The following KIDINS220 variants were observed in gnomAD, a reference collection of about 807,000 sequenced individuals.
The protein encoded by KIDINS220 is kinase D-interacting substrate of 220 kDa.
KIDINS220 carries 63 observed loss-of-function variants against 157.6 expected under a neutral mutation model. That is an observed-to-expected ratio of 0.40 (90% CI 0.33 to 0.49). The LOEUF (loss-of-function observed/expected upper bound fraction) is 0.49, where lower values mean the gene tolerates loss of function less well. Ranked by LOEUF, KIDINS220 falls within the 20% of genes least tolerant of loss-of-function variation. KIDINS220 has a pLI of 0.66. For synonymous variants in KIDINS220, 732 were observed against 783.6 expected, an observed-to-expected ratio of 0.93 and a Z score of 1.10; for missense variants, 1,772 against 2,171.2, an observed-to-expected ratio of 0.82 and a Z score of 3.65.
intron 26 of KIDINS220, 62 bp from the exon 27 acceptor site, chr2:8,737,061 C>A: frequency 1.3e-6 from 2 of 1,509,608 alleles, no homozygotes; most frequent in South Asian, 1.2e-5. Context: ...ATAATGAGGT[C>A]ATGTGACAGA....
rs1162274481 is a variant in KIDINS220 at position 8,798,305 on chromosome 2, A to T, written c.901-5T>A. 7 of 1,517,554 alleles carry T rather than the reference A, an allele frequency of 4.6e-6. No individual in the cohort carries two copies. Among genetic ancestry groups the T allele is most frequent in the Non-Finnish European group, 6.4e-6 (7 of 1,094,090 alleles). The allele number at this position is 1,517,554 out of a possible 1,614,324, so 94.0% of individuals were successfully genotyped here. ...ATACAAAGCAGTTTTATTATCCTAG[A>T]TAATTAAAAAAAACACAATCACTTC... On this transcript the variant is annotated splice_region_variant and splice_polypyrimidine_tract_variant and intron_variant, in intron 9 of 29. Coordinates refer to ENST00000256707, the MANE Select transcript of KIDINS220 (RefSeq NM_020738.4).
At chr2:8,758,756 C>T (rs938457739) in intron 22 of KIDINS220, among the ~76,000 whole-genome samples, 1 of 152,098 alleles carries the variant, frequency 6.6e-6, no homozygotes, top group African/African-American at 2.4e-5. Flanking sequence ...TTAATCATTC[C>T]TAATATTCTT....
chr2:8,834,907 T>C (rs1005242349), intron 1 of KIDINS220, among the ~76,000 whole-genome samples: 1 of 152,204 alleles, frequency 6.6e-6, no homozygotes, highest in Non-Finnish European at 1.5e-5. Flanking sequence ...AGTGGCACAT[T>C]CATAGCTCAC....
Position 8,733,597 on chromosome 2 carries a change from C to G in KIDINS220, c.3900G>C (p.Pro1300=). The change falls in exon 29 of 30, where the codon CCG becomes CCC. Residue 1300 remains proline (P), a synonymous_variant. Coordinates refer to ENST00000256707, the MANE Select transcript of KIDINS220 (RefSeq NM_020738.4). ...FLSESSSGPA[P]HGEPARRASH... ...AAGCGCGGCGAGCAGGCTCACCGTG[C>G]GGGGCTGGGCCACTGCTGCTCTCAC... 1 of 1,613,938 alleles carries G rather than the reference C, an allele frequency of 6.2e-7. No homozygotes were observed. The highest frequency in any genetic ancestry group is 8.5e-7 in the Non-Finnish European group (1 of 1,179,946).
At chr2:8,742,163 C>T (rs1010914588) in intron 26 of KIDINS220, among the ~76,000 whole-genome samples, 20 of 152,126 alleles carry the variant, frequency 1.3e-4, no homozygotes, top group African/African-American at 4.3e-4. Context: ...TCTGTCACCA[C>T]GCTGGGGTGC....
chr2:8,754,971 A>G (rs1213526227), intron 22 of KIDINS220, among the ~76,000 whole-genome samples: 2 of 152,254 alleles, frequency 1.3e-5, no homozygotes, highest in Non-Finnish European at 2.9e-5. Context: ...TTTAACTTCT[A>G]ATAGACTCTC....
intron 20 of KIDINS220, among the ~76,000 whole-genome samples, chr2:8,777,410 CA>C (rs1671111220): frequency 6.6e-6 from 1 of 152,104 alleles, no homozygotes; most frequent in South Asian, 2.1e-4. Context: ...GCAATCCTCC[CA>C]CCTCAGCCTT....
In KIDINS220 at chr2:8,733,716, A is replaced by G. The variant is rs766531041; in HGVS notation, c.3817-36T>C. The G allele has an allele frequency of 5.4e-6, 7 of 1,286,588 alleles. No individual in the cohort carries two copies. The Admixed American group carries it at 1.7e-4, about 31-fold the overall frequency. The allele number at this position is 1,286,588 out of a possible 1,614,324, so 79.7% of individuals were successfully genotyped here. ...GAAAAACATAAATATTTACACTAAC[A>G]AATCATATTTTAGAAGCTTTAGAAA... On this transcript the variant is annotated intron_variant, in intron 28 of 29. Transcript: ENST00000256707.
chr2:8,824,672 C>T (rs1173868603), intron 2 of KIDINS220, among the ~76,000 whole-genome samples: 1 of 152,198 alleles, frequency 6.6e-6, no homozygotes. Context: ...GGAGTGAGAA[C>T]CTGTCTAAAA....
intron 17 of KIDINS220, among the ~76,000 whole-genome samples, chr2:8,781,809 G>A (rs1368670500): frequency 1.3e-5 from 2 of 152,206 alleles, no homozygotes; most frequent in African/African-American, 2.4e-5. Context: ...GCATATATTC[G>A]TAAAGAAGAA....
chr2:8,751,973 G>A (rs1477888121), intron 22 of KIDINS220, among the ~76,000 whole-genome samples: 1 of 152,028 alleles, frequency 6.6e-6, no homozygotes, highest in Non-Finnish European at 1.5e-5. Flanking sequence ...CCAAAGTGCT[G>A]GGATTACAGG....
intron 22 of KIDINS220, among the ~76,000 whole-genome samples, chr2:8,758,665 A>G (rs1201824815): frequency 2.6e-5 from 4 of 151,310 alleles, no homozygotes; most frequent in Admixed American, 2.0e-4. Flanking sequence ...TGTTAATTTA[A>G]TATCTTTCTC....
In KIDINS220 at chr2:8,751,481, G is replaced by A. The variant is rs184866499; in HGVS notation, c.3175C>T (p.Arg1059Trp). The A allele has an allele frequency of 2.8e-4, 450 of 1,605,232 alleles. 1 individual carries two copies. The East Asian group carries it at 8.0e-3, about 28-fold the overall frequency. The change falls in exon 23 of 30, where the codon CGG becomes TGG. Residue 1059 changes from arginine (R) to tryptophan (W), a missense_variant. Around this residue, in one of 3 missense-constraint regions of KIDINS220, gnomAD observed 725 missense variants for 1,017.1 expected, o/e 0.71. Transcript: ENST00000256707. The stretch of plus-strand genomic sequence containing the variant: ...TAATACCCACCTGCAATAATTTCCC[G>A]TAGTTTGGGATCTAGGTTTACAGTG... ...PCTVNLDPKLREIIADVRAAR... is the reference protein window; with the variant it reads ...PCTVNLDPKLWEIIADVRAAR...
rs943177815 is a variant in KIDINS220 at position 8,730,711 on chromosome 2, T to C, written c.*9A>G. The C allele has an allele frequency of 5.6e-6, 9 of 1,609,654 alleles. No individual in the cohort carries two copies. The highest frequency in any genetic ancestry group is 5.9e-6 in the Non-Finnish European group (7 of 1,178,742). On this transcript the variant is annotated 3_prime_UTR_variant, in exon 30 of 30. Coordinates refer to ENST00000256707, the MANE Select transcript of KIDINS220 (RefSeq NM_020738.4). ...GTACAGTAACACTCTTCTCCTTTGC[T>C]TGTTTTTCTCAAAGAATGCTTTCTC... is the stretch of plus-strand genomic sequence containing the variant.
At chr2:8,806,898 A>C (rs1675528852) in intron 6 of KIDINS220, among the ~76,000 whole-genome samples, 1 of 152,158 alleles carries the variant, frequency 6.6e-6, no homozygotes, top group African/African-American at 2.4e-5. Context: ...AACTATTATA[A>C]TGAGTGACAA....
chr2:8,751,033 T>G (rs1667279698), intron 23 of KIDINS220, among the ~76,000 whole-genome samples: 1 of 152,202 alleles, frequency 6.6e-6, no homozygotes, highest in Non-Finnish European at 1.5e-5. Flanking sequence ...AGTTAATATC[T>G]GAAAAGTAAT....
At chr2:8,790,985 C>T in intron 13 of KIDINS220, 75 bp downstream of exon 13, 1 of 1,401,654 alleles carries the variant, frequency 7.1e-7, no homozygotes, top group South Asian at 1.4e-5. Context: ...AAGTGGTCTT[C>T]CTCTTTATTT....
intron 9 of KIDINS220, among the ~76,000 whole-genome samples, chr2:8,799,255 A>G (rs1175492143): frequency 1.4e-5 from 2 of 143,592 alleles, no homozygotes; most frequent in Non-Finnish European, 3.1e-5. Context: ...TGCCTGAAAC[A>G]CCCAGCTTTC....
Position 8,729,554 on chromosome 2 carries a change from A to G in KIDINS220, c.*1166T>C, listed in dbSNP as rs1012805735. The G allele has an allele frequency of 1.4e-5, 14 of 980,422 alleles. No homozygotes were observed. In the Admixed American group the frequency reaches 8.0e-4, roughly 56 times the overall value. The allele number at this position is 980,422 out of a possible 1,614,324, so 60.7% of individuals were successfully genotyped here. On this transcript the variant is annotated 3_prime_UTR_variant, in exon 30 of 30. Coordinates refer to ENST00000256707, the MANE Select transcript of KIDINS220 (RefSeq NM_020738.4). The stretch of plus-strand genomic sequence containing the variant: ...TTAACTCGGCTAATAATTAATGGAA[A>G]GTACACTTTTACAGTCACAGCACTT...
Sources: allele counts gnomAD v4.1 joint callset (sites outside exome capture counted in the v4.1 genomes callset), GRCh38; gene constraint gnomAD v4.1.1; regional missense constraint gnomAD v4.1.1; transcripts MANE v1.5; gene names NCBI Gene and HGNC (gene_info 2026-07-23, HGNC 2026-07-21).